MYH9: variants seen among roughly 807,000 people sequenced by gnomAD.
The protein encoded by MYH9 is myosin-9.
A neutral mutation model predicts 241.9 loss-of-function variants in MYH9; 29 were observed. The observed-to-expected ratio is 0.12, with a 90% CI of 0.09 to 0.16. MYH9 has a LOEUF of 0.16. Ranked by LOEUF, MYH9 falls within the 10% of genes least tolerant of loss-of-function variation. MYH9 has a pLI of 1.00. For synonymous variants in MYH9, 1,047 were observed against 1,062.6 expected, an observed-to-expected ratio of 0.99 and a Z score of 0.29; for missense variants, 1,803 against 2,595.5, an observed-to-expected ratio of 0.69 and a Z score of 6.63.
At chr22:36,385,294 G>A (rs1471347152) in intron 1 of MYH9, among the ~76,000 whole-genome samples, 1 of 151,982 alleles carries the variant, frequency 6.6e-6, no homozygotes, top group African/African-American at 2.4e-5. Flanking sequence ...AAGATGTCAA[G>A]CTGGTAAGGG....
intron 1 of MYH9, among the ~76,000 whole-genome samples, chr22:36,379,035 A>C (rs1036401208): frequency 1.3e-5 from 2 of 152,170 alleles, no homozygotes; most frequent in African/African-American, 4.8e-5. Context: ...GCATTCTATA[A>C]TTCTAAATCC....
In MYH9 at chr22:36,306,710, G is replaced by A. The variant is rs1453949788; in HGVS notation, c.1844-103C>T. The A allele has an allele frequency of 8.5e-7, 1 of 1,180,678 alleles. No individual in the cohort carries two copies. Among genetic ancestry groups the A allele is most frequent in the Non-Finnish European group, 1.2e-6 (1 of 822,096 alleles). 73.1% of individuals were successfully genotyped at this position (1,180,678 alleles called of 1,614,324 possible). A position where few individuals can be genotyped will look rare whatever the true frequency, so the allele number is the denominator to read the frequency against. Reference sequence around the variant, plus strand: ...CAGGCACACGTCGGACAGGAAAAGAGGAGACAGAATGAAACAACAGGACCC... The same window carrying A: ...CAGGCACACGTCGGACAGGAAAAGAAGAGACAGAATGAAACAACAGGACCC... On this transcript the variant is annotated intron_variant, in intron 15 of 40. Transcript: ENST00000216181. This position sits in a 1 kb window ranked among gnomAD's most constrained non-coding sequence, Gnocchi z 4.1.
chr22:36,363,268 G>A (rs1434744663), intron 1 of MYH9, among the ~76,000 whole-genome samples: 1 of 152,220 alleles, frequency 6.6e-6, no homozygotes. Flanking sequence ...TGTGTCCTCT[G>A]CTGTCTCTTA....
At chr22:36,332,411 G>A (rs969941024) in intron 3 of MYH9, among the ~76,000 whole-genome samples, 4 of 152,144 alleles carry the variant, frequency 2.6e-5, no homozygotes, top group Non-Finnish European at 5.9e-5. Context: ...AGCCCCTTCC[G>A]TCGCTCCCAG....
At chr22:36,347,239 C>T (rs75765674) in intron 2 of MYH9, among the ~76,000 whole-genome samples, 8 of 151,940 alleles carry the variant, frequency 5.3e-5, no homozygotes, top group African/African-American at 9.7e-5. Context: ...AAGAAAATGA[C>T]GCCCCTGATC....
chr22:36,323,677 G>A (rs73167631), intron 5 of MYH9, among the ~76,000 whole-genome samples: 15 of 152,232 alleles, frequency 9.9e-5, no homozygotes, highest in Non-Finnish European at 2.1e-4. Flanking sequence ...GTCTAGCCGA[G>A]CCAGATTGGA....
At chr22:36,352,365 C>T (rs577174154) in intron 1 of MYH9, among the ~76,000 whole-genome samples, 12 of 152,198 alleles carry the variant, frequency 7.9e-5, no homozygotes, top group African/African-American at 1.9e-4. Flanking sequence ...CTACTGTCGG[C>T]GCAAGCTTGC....
chr22:36,306,136 A>G lies in MYH9; in HGVS notation c.2038-85T>C, dbSNP rs1000122842. The G allele has an allele frequency of 8.2e-6, 13 of 1,591,396 alleles. No individual in the cohort carries two copies. The highest frequency in any genetic ancestry group is 1.7e-5 in the Admixed American group (1 of 59,964). ...GTCAGGGAACCCCTATGAACCTGAC[A>G]GGGCAAGAGCCTAAGGGAGGGGGTC... is the stretch of plus-strand genomic sequence containing the variant. On this transcript the variant is annotated intron_variant, in intron 16 of 40. Transcript: ENST00000216181. This position sits in a 1 kb window ranked among gnomAD's most constrained non-coding sequence, Gnocchi z 4.1.
chr22:36,322,951 A>C (rs918743922), intron 5 of MYH9, among the ~76,000 whole-genome samples: 1 of 152,212 alleles, frequency 6.6e-6, no homozygotes, highest in African/African-American at 2.4e-5. Flanking sequence ...TCATAGGAAA[A>C]GCAAATGAGG....
intron 1 of MYH9, among the ~76,000 whole-genome samples, chr22:36,385,173 TCTC>T (rs1193916809): frequency 3.9e-5 from 5 of 128,184 alleles, no homozygotes; most frequent in Admixed American, 8.2e-5. Context: ...TTTTTTTTTC[TCTC>T]TCTCTCTTTT....
At chr22:36,372,737 C>T (rs1480110632) in intron 1 of MYH9, among the ~76,000 whole-genome samples, 1 of 152,082 alleles carries the variant, frequency 6.6e-6, no homozygotes, top group Non-Finnish European at 1.5e-5. Context: ...ACTGTGACCA[C>T]CTGGGCCCCC....
At chr22:36,352,038 T>A (rs181672259) in intron 1 of MYH9, among the ~76,000 whole-genome samples, 10 of 152,318 alleles carry the variant, frequency 6.6e-5, no homozygotes, top group Non-Finnish European at 1.5e-4. Flanking sequence ...GGCAAGTCAC[T>A]TGCCCAGAGT....
At chr22:36,372,224 A>G (rs1186474169) in intron 1 of MYH9, among the ~76,000 whole-genome samples, 1 of 152,174 alleles carries the variant, frequency 6.6e-6, no homozygotes, top group Admixed American at 6.5e-5. Context: ...GCAGTGGCTC[A>G]CATCTGTAAT....
At chr22:36,304,984 A>C (rs2016945978) in intron 18 of MYH9, 49 bp downstream of exon 18, 1 of 1,580,482 alleles carries the variant, frequency 6.3e-7, no homozygotes. Context: ...GGCACTCCCC[A>C]GACAAGGGGC....
rs573115229 is a variant in MYH9, at chr22:36,379,815, T to C, written c.-20+7992A>G. ...CAGCCACTGAGGGACTCCCAGCTGC[T>C]CCAGCGCTTGGCGGGCTAGCTAAGG... On this transcript the variant is annotated intron_variant, in intron 1 of 40. Transcript: ENST00000216181. Among the ~76,000 whole-genome samples, 5 of 152,310 alleles carry C rather than the reference T, an allele frequency of 3.3e-5. 1 individual carries two copies. The Middle Eastern group carries it at 0.01, about 311-fold the overall frequency.
chr22:36,311,886 G>A (rs1482517334), intron 14 of MYH9, among the ~76,000 whole-genome samples, 163 bp downstream of exon 14: 1 of 152,128 alleles, frequency 6.6e-6, no homozygotes, highest in East Asian at 1.9e-4. Flanking sequence ...TGTAAATGAT[G>A]ATGCTGTCAC....
chr22:36,348,096 AT>A (rs1330672332), intron 2 of MYH9, among the ~76,000 whole-genome samples: 3 of 147,596 alleles, frequency 2.0e-5, no homozygotes, highest in Non-Finnish European at 4.5e-5. Flanking sequence ...ATTTTAAGAT[AT>A]TTTTTAAAAT....
intron 19 of MYH9, among the ~76,000 whole-genome samples, chr22:36,303,245 G>A (rs1408628131): frequency 6.6e-6 from 1 of 152,044 alleles, no homozygotes; most frequent in Non-Finnish European, 1.5e-5. Flanking sequence ...GGACGAGTGT[G>A]CAGTGCCCAC....
In MYH9 at chr22:36,326,504, T is replaced by C. The variant is rs2146369234; in HGVS notation, c.612+64A>G. ...AGCTGAAGCCGGGACCACTAAGTGCTCTTCCTCCATCATCCCACCAAGGCC... is the reference window on the plus strand; with the variant it reads ...AGCTGAAGCCGGGACCACTAAGTGCCCTTCCTCCATCATCCCACCAAGGCC... On this transcript the variant is annotated intron_variant, in intron 5 of 40. Coordinates refer to ENST00000216181, the MANE Select transcript of MYH9 (RefSeq NM_002473.6). 4 of 1,398,388 alleles carry C rather than the reference T, an allele frequency of 2.9e-6. No homozygotes were observed. The Admixed American group carries it at 5.0e-5, about 18-fold the overall frequency. 86.6% of individuals were successfully genotyped at this position (1,398,388 alleles called of 1,614,324 possible).
Sources: allele counts gnomAD v4.1 joint callset (sites outside exome capture counted in the v4.1 genomes callset), GRCh38; gene constraint gnomAD v4.1.1; non-coding constraint Gnocchi (gnomAD v3.1); transcripts MANE v1.5; gene names NCBI Gene and HGNC (gene_info 2026-07-23, HGNC 2026-07-21).